The following LMO7 variants were observed in gnomAD, a reference collection of about 807,000 sequenced individuals.
LMO7 encodes the protein LIM domain only protein 7.
A neutral mutation model predicts 206.5 loss-of-function variants in LMO7; 120 were observed. The ratio of observed to expected loss-of-function variants is 0.58; its 90% CI spans 0.50 to 0.68. The LOEUF (loss-of-function observed/expected upper bound fraction) is 0.68. Among genes scored for constraint, LMO7 ranks in the 30% least tolerant of loss-of-function variants. LMO7 has a pLI of 0.00. For synonymous variants in LMO7, 706 were observed against 681.5 expected (o/e 1.04, Z -0.56); for missense variants, 1,959 against 1,957.9 (o/e 1.00, Z -0.01).
chr13:75,753,941 G>C (rs776859729), intron 3 of LMO7, among the ~76,000 whole-genome samples: 9 of 152,104 alleles, frequency 5.9e-5, no homozygotes, highest in Non-Finnish European at 1.0e-4. Context: ...AAAATCCCAG[G>C]CTTCAGCACT....
chr13:75,844,715 A>C (rs2059849172), intron 25 of LMO7, among the ~76,000 whole-genome samples: 1 of 152,080 alleles, frequency 6.6e-6, no homozygotes, highest in African/African-American at 2.4e-5. Flanking sequence ...AGCCACCACT[A>C]TTATTTTCAA....
intron 9 of LMO7, chr13:75,806,369 A>T: frequency 4.9e-6 from 2 of 410,060 alleles, no homozygotes; most frequent in Non-Finnish European, 6.6e-6. Flanking sequence ...GAATCAGGAA[A>T]CCTGACTCAC....
chr13:75,781,096 CTTT>C (rs367937964), intron 4 of LMO7, among the ~76,000 whole-genome samples: 13 of 41,914 alleles, frequency 3.1e-4, no homozygotes, highest in African/African-American at 1.3e-3. Context: ...CTCTATTTTC[CTTT>C]TTTTTTTTTT....
chr13:75,689,480 G>C (rs958962528), intron 1 of LMO7, among the ~76,000 whole-genome samples: 3 of 152,182 alleles, frequency 2.0e-5, no homozygotes, highest in African/African-American at 7.2e-5. Flanking sequence ...ATGGATTGAA[G>C]GATGCAAAGT....
At chr13:75,655,878 A>G (rs2038024746) in intron 1 of LMO7, among the ~76,000 whole-genome samples, 1 of 151,962 alleles carries the variant, frequency 6.6e-6, no homozygotes, top group Admixed American at 6.5e-5. Context: ...CTGTGTTGTC[A>G]TTGCAGCTCA....
intron 27 of LMO7, among the ~76,000 whole-genome samples, chr13:75,851,374 G>A (rs2060494557): frequency 6.6e-6 from 1 of 152,164 alleles, no homozygotes; most frequent in South Asian, 2.1e-4. Context: ...ATGTAAATTT[G>A]TATGTATGTG....
rs745404713 is a variant in LMO7 at position 75,805,579 on chromosome 13, A to G, written c.1015A>G (p.Arg339Gly). ...CYLEEEKAKT[R>G]SIPNIVKDDL... ...TTTGGAAGAGGAAAAAGCAAAGACA[A>G]GAAGCATACCCAACATTGTAAAGGA... Residue 339 changes from arginine to glycine, a missense_variant, in exon 9 of 31, where the codon AGA becomes GGA. Transcript: ENST00000377534. 1.2e-6 allele frequency: 2 copies of G among 1,613,954 alleles called. No homozygotes were observed. Among genetic ancestry groups the G allele is most frequent in the Non-Finnish European group, 1.7e-6 (2 of 1,179,902 alleles).
At chr13:75,694,736 G>T (rs140432437) in intron 1 of LMO7, among the ~76,000 whole-genome samples, 18 of 152,262 alleles carry the variant, frequency 1.2e-4, no homozygotes, top group Non-Finnish European at 2.5e-4. Context: ...CTGTTTACAT[G>T]CTGGGAATGA....
chr13:75,810,513 C>T (rs1460337463), intron 11 of LMO7, among the ~76,000 whole-genome samples: 1 of 152,156 alleles, frequency 6.6e-6, no homozygotes, highest in East Asian at 1.9e-4. Context: ...TTCCGTGTGC[C>T]ATGCAAAGGC....
At chr13:75,665,531 A>ATTT (rs35856612) in intron 1 of LMO7, among the ~76,000 whole-genome samples, 1 of 148,048 alleles carries the variant, frequency 6.8e-6, no homozygotes, top group East Asian at 2.0e-4. Flanking sequence ...CCTAGTCTAC[A>ATTT]TTTTTTTTTT....
chr13:75,828,276 T>C (rs2058322831), intron 15 of LMO7, among the ~76,000 whole-genome samples: 2 of 152,228 alleles, frequency 1.3e-5, no homozygotes, highest in African/African-American at 4.8e-5. Flanking sequence ...AGGTGTATTA[T>C]CCCCGTTTTT....
At chr13:75,673,887 T>A (rs1235060378) in intron 1 of LMO7, among the ~76,000 whole-genome samples, 1 of 152,242 alleles carries the variant, frequency 6.6e-6, no homozygotes, top group East Asian at 1.9e-4. Flanking sequence ...AGCTTTGACA[T>A]CTTTTTCTGT....
intron 18 of LMO7, among the ~76,000 whole-genome samples, chr13:75,835,912 A>T (rs1385558055): frequency 1.3e-5 from 2 of 152,186 alleles, no homozygotes; most frequent in African/African-American, 4.8e-5. Context: ...GTTTCTATTT[A>T]TGATACAAAT....
intron 1 of LMO7, among the ~76,000 whole-genome samples, chr13:75,676,126 C>G (rs952844248): frequency 6.6e-6 from 1 of 152,172 alleles, no homozygotes; most frequent in South Asian, 2.1e-4. Flanking sequence ...TAGATGTTCA[C>G]TAAATGTTGG....
At chr13:75,847,193 T>A in intron 26 of LMO7, among the ~76,000 whole-genome samples, 1 of 152,190 alleles carries the variant, frequency 6.6e-6, no homozygotes, top group East Asian at 1.9e-4. Context: ...TTTGAAAGAA[T>A]GGCAGTAGCA....
intron 3 of LMO7, among the ~76,000 whole-genome samples, chr13:75,746,066 A>G (rs1037171145): frequency 2.6e-5 from 4 of 152,196 alleles, no homozygotes; most frequent in African/African-American, 9.6e-5. Context: ...CTCTGTGTGT[A>G]TTGTTGAGAC....
At chr13:75,698,309 T>A (rs1369835522) in intron 1 of LMO7, among the ~76,000 whole-genome samples, 1 of 152,052 alleles carries the variant, frequency 6.6e-6, no homozygotes, top group Non-Finnish European at 1.5e-5. Flanking sequence ...AATATACTTA[T>A]ATATTTTTAA....
At chr13:75,809,236 A>G in intron 11 of LMO7, 53 bp downstream of exon 11, 3 of 1,482,388 alleles carry the variant, frequency 2.0e-6, no homozygotes, top group South Asian at 1.1e-5. Flanking sequence ...TGTTCTTTGT[A>G]TAACTTACTG....
At chr13:75,711,583 C>T (rs763259582) in intron 1 of LMO7, among the ~76,000 whole-genome samples, 4 of 152,226 alleles carry the variant, frequency 2.6e-5, no homozygotes, top group Non-Finnish European at 4.4e-5. Flanking sequence ...GACGATGCCT[C>T]GCCCTGCTTC....
Sources: allele counts gnomAD v4.1 joint callset (sites outside exome capture counted in the v4.1 genomes callset), GRCh38; gene constraint gnomAD v4.1.1; transcripts MANE v1.5; gene names NCBI Gene and HGNC (gene_info 2026-07-23, HGNC 2026-07-21).